The following DNAH8 variants were observed in gnomAD, a reference collection of about 807,000 sequenced individuals.
DNAH8 encodes axonemal beta dynein heavy chain 8.
DNAH8 carries 382 observed loss-of-function variants against 562.1 expected under a neutral mutation model. That is an observed-to-expected ratio of 0.68 (90% CI 0.63 to 0.74). The LOEUF (loss-of-function observed/expected upper bound fraction) is 0.74. Among genes scored for constraint, DNAH8 ranks in the 30% least tolerant of loss-of-function variants. The probability of loss-of-function intolerance (pLI) is 0.00; values close to 1 mark genes in which losing one functional copy is unlikely to be tolerated. For synonymous variants in DNAH8, 1,881 were observed against 1,919.4 expected (o/e 0.98, Z 0.52); for missense variants, 5,203 against 5,620.4 (o/e 0.93, Z 2.37).
intron 4 of DNAH8, among the ~76,000 whole-genome samples, chr6:38,730,195 A>T (rs1156588766): frequency 6.6e-6 from 1 of 152,258 alleles, no homozygotes; most frequent in African/African-American, 2.4e-5. Flanking sequence ...AGGAGAAAAC[A>T]TCCTTGTAGA....
In DNAH8 at chr6:38,929,493, T is replaced by C. The variant is rs1335181430; in HGVS notation, c.11119-18T>C. On this transcript the variant is annotated intron_variant, in intron 74 of 92. Coordinates refer to ENST00000327475, the MANE Select transcript of DNAH8 (RefSeq NM_001206927.2). ...ATTCTTTGTAACACAGATAGACCAATGAGTTCTTTCTGTTTAGGTGACATC... is the reference window on the plus strand; with the variant it reads ...ATTCTTTGTAACACAGATAGACCAACGAGTTCTTTCTGTTTAGGTGACATC... 7 of 1,600,738 alleles carry C rather than the reference T, an allele frequency of 4.4e-6. No homozygotes were observed. Among genetic ancestry groups the C allele is most frequent in the African/African-American group, 1.3e-5 (1 of 74,364 alleles).
chr6:38,913,747 T>C (rs1398046646), intron 66 of DNAH8, 102 bp from the exon 67 acceptor site: 3 of 676,464 alleles, frequency 4.4e-6, no homozygotes. Context: ...GTGTTTGTTA[T>C]ATTACATGTA....
chr6:38,785,744 G>A (rs761126485), intron 17 of DNAH8, among the ~76,000 whole-genome samples: 1 of 151,790 alleles, frequency 6.6e-6, no homozygotes, highest in Non-Finnish European at 1.5e-5. Context: ...TTGGTTTTCT[G>A]TTAGGATAAG....
chr6:38,745,309 C>T (rs1764836759), intron 8 of DNAH8, among the ~76,000 whole-genome samples: 1 of 152,144 alleles, frequency 6.6e-6, no homozygotes, highest in Non-Finnish European at 1.5e-5. Context: ...CATGTTTTCT[C>T]CCTTCATCCA....
intron 4 of DNAH8, 140 bp from the exon 5 acceptor site, chr6:38,734,334 C>G: frequency 3.6e-6 from 3 of 822,894 alleles, no homozygotes; most frequent in Non-Finnish European, 5.0e-6. Flanking sequence ...AGACCCCCCC[C>G]CAAAAAAATT....
intron 7 of DNAH8, 40 bp downstream of exon 7, chr6:38,738,012 T>C: frequency 6.3e-7 from 1 of 1,585,276 alleles, no homozygotes; most frequent in Non-Finnish European, 8.6e-7. Flanking sequence ...CTAGTAGTTT[T>C]CATGTGCATC....
At chr6:38,903,570 A>G (rs1780223078) in intron 62 of DNAH8, among the ~76,000 whole-genome samples, 1 of 149,080 alleles carries the variant, frequency 6.7e-6, no homozygotes, top group Non-Finnish European at 1.5e-5. Flanking sequence ...AAACTATATT[A>G]TGCTCCCACA....
intron 88 of DNAH8, among the ~76,000 whole-genome samples, chr6:38,998,015 T>C (rs1765255781): frequency 6.6e-6 from 1 of 152,174 alleles, no homozygotes; most frequent in Admixed American, 6.5e-5. Context: ...ACCTTGGCTT[T>C]CCAAAATGCT....
intron 1 of DNAH8, among the ~76,000 whole-genome samples, chr6:38,720,586 T>C (rs1469465634): frequency 1.3e-5 from 2 of 152,054 alleles, no homozygotes; most frequent in Non-Finnish European, 2.9e-5. Flanking sequence ...TACAGGTAAA[T>C]TGTAAAGACT....
intron 53 of DNAH8, among the ~76,000 whole-genome samples, chr6:38,881,892 A>G (rs939162280): frequency 6.6e-6 from 1 of 151,956 alleles, no homozygotes; most frequent in Non-Finnish European, 1.5e-5. Flanking sequence ...TATCTAGTAA[A>G]CGGTTGACTC....
At chr6:38,850,979 G>A (rs996519777) in intron 38 of DNAH8, among the ~76,000 whole-genome samples, 1 of 152,160 alleles carries the variant, frequency 6.6e-6, no homozygotes, top group Non-Finnish European at 1.5e-5. Context: ...ACCTGGACAT[G>A]TCTTTTTGAG....
At chr6:38,715,600 C>G (rs1762210873) in intron 1 of DNAH8, among the ~76,000 whole-genome samples, 185 bp downstream of exon 1, 1 of 152,150 alleles carries the variant, frequency 6.6e-6, no homozygotes, top group African/African-American at 2.4e-5. Context: ...GAGTCACTAC[C>G]CTTTGTCAGT....
At chr6:38,849,763 A>AT (rs1220376564) in intron 37 of DNAH8, among the ~76,000 whole-genome samples, 1 of 151,976 alleles carries the variant, frequency 6.6e-6, no homozygotes, top group African/African-American at 2.4e-5. Flanking sequence ...TAAATAGAAA[A>AT]TTTTCACTTG....
At chr6:38,817,086 TAATCCCAACATTTTGGGAGGCC>T (rs1336040220) in intron 26 of DNAH8, among the ~76,000 whole-genome samples, 1 of 152,190 alleles carries the variant, frequency 6.6e-6, no homozygotes, top group Non-Finnish European at 1.5e-5. Flanking sequence ...CTCACGTCTG[TAATCCCAACATTTTGGGAGGCC>T]AAGGCAGGTG....
chr6:38,871,091 T>C (rs1777438630), intron 49 of DNAH8, among the ~76,000 whole-genome samples: 1 of 152,214 alleles, frequency 6.6e-6, no homozygotes. Context: ...ACCAGTAGAA[T>C]CAAGAACTTG....
chr6:38,765,409 A>G (rs898977347), intron 11 of DNAH8, among the ~76,000 whole-genome samples: 32 of 152,118 alleles, frequency 2.1e-4, no homozygotes, highest in African/African-American at 7.2e-4. Context: ...ATTTTCCTCT[A>G]GTAATTTTAC....
chr6:38,974,322 A>G (rs1763535796), intron 84 of DNAH8, 52 bp from the exon 85 acceptor site: 1 of 1,358,364 alleles, frequency 7.4e-7, no homozygotes, highest in East Asian at 2.4e-5. Flanking sequence ...TTTCTATTTT[A>G]TTCTTTATAG....
chr6:38,966,983 T>C (rs1763010849), intron 82 of DNAH8, among the ~76,000 whole-genome samples: 1 of 152,188 alleles, frequency 6.6e-6, no homozygotes, highest in Admixed American at 6.5e-5. Context: ...CTTAATACCT[T>C]GTCACTTCCT....
intron 60 of DNAH8, 103 bp downstream of exon 60, chr6:38,896,328 C>T: frequency 4.3e-6 from 4 of 926,202 alleles, no homozygotes; most frequent in South Asian, 1.7e-5. Context: ...AATTCCAGCA[C>T]TTTGGGAGGC....
Sources: allele counts gnomAD v4.1 joint callset (sites outside exome capture counted in the v4.1 genomes callset), GRCh38; gene constraint gnomAD v4.1.1; transcripts MANE v1.5; gene names NCBI Gene and HGNC (gene_info 2026-07-23, HGNC 2026-07-21).